DRG2: variants seen among roughly 807,000 people sequenced by gnomAD.
DRG2 encodes developmentally regulated GTP binding protein 2, also known as developmentally-regulated GTP-binding protein 2.
In DRG2, 36 loss-of-function variants were observed where a neutral mutation model predicts 53.4. The observed-to-expected ratio is 0.67, with a 90% confidence interval of 0.52 to 0.89. The LOEUF (loss-of-function observed/expected upper bound fraction) is 0.89. Among genes scored for constraint, DRG2 ranks in the 40% least tolerant of loss-of-function variants. The probability of loss-of-function intolerance (pLI) is 0.00; values close to 1 mark genes in which losing one functional copy is unlikely to be tolerated. For synonymous variants in DRG2, 167 were observed against 192.1 expected, an observed-to-expected ratio of 0.87 and a Z score of 1.08; for missense variants, 342 against 481.2, an observed-to-expected ratio of 0.71 and a Z score of 2.71.
At chr17:18,091,323 C>T (rs1191010995) in intron 1 of DRG2, among the ~76,000 whole-genome samples, 7 of 152,152 alleles carry the variant, frequency 4.6e-5, no homozygotes, top group East Asian at 1.9e-4. Flanking sequence ...CAGTGGCTCA[C>T]GCCTGTAATC....
At chr17:18,095,161 G>A (rs2045410732) in intron 2 of DRG2, among the ~76,000 whole-genome samples, 3 of 147,528 alleles carry the variant, frequency 2.0e-5, no homozygotes, top group South Asian at 2.2e-4. Flanking sequence ...ACAGGCATCC[G>A]CCACCACCCC....
intron 2 of DRG2, chr17:18,095,505 C>CTGCCTCAG (rs2045419605): frequency 1.3e-5 from 2 of 150,280 alleles, no homozygotes; most frequent in Admixed American, 6.6e-5. Flanking sequence ...AGCAATTCTC[C>CTGCCTCAG]TGCCTCAGTC....
intron 2 of DRG2, 120 bp downstream of exon 2, chr17:18,094,093 C>T: frequency 2.2e-6 from 3 of 1,346,434 alleles, no homozygotes; most frequent in East Asian, 2.5e-5. Flanking sequence ...GAAGACCTGG[C>T]CTCCCCCAGG....
intron 1 of DRG2, among the ~76,000 whole-genome samples, chr17:18,090,273 C>A (rs2045292380): frequency 7.3e-6 from 1 of 136,286 alleles, no homozygotes; most frequent in Non-Finnish European, 1.5e-5. Flanking sequence ...GATCATAGCT[C>A]ACTGTAACTT....
In DRG2 at chr17:18,098,945, T is replaced by C; in HGVS notation, c.316-72T>C. ...CTGAGCCCCGGGGCCATTCCAGATGTCCCAGATCCAGACAGGACCTTTCCA... is the reference window on the plus strand; with the variant it reads ...CTGAGCCCCGGGGCCATTCCAGATGCCCCAGATCCAGACAGGACCTTTCCA... On this transcript the variant is annotated intron_variant, in intron 3 of 12. Coordinates refer to ENST00000225729, the MANE Select transcript of DRG2 (RefSeq NM_001388.5). The surrounding 1 kb of genome is among the most constrained non-coding windows in gnomAD (Gnocchi z 4.1). 1.3e-6 allele frequency: 2 copies of C among 1,557,552 alleles called. No homozygotes were observed. The highest frequency in any genetic ancestry group is 1.8e-6 in the Non-Finnish European group (2 of 1,132,986).
Position 18,099,560 on chromosome 17 carries a change from G to A in DRG2, c.377-73G>A. The A allele has an allele frequency of 6.7e-7, 1 of 1,497,798 alleles. No individual in the cohort carries two copies. Among genetic ancestry groups the A allele is most frequent in the Non-Finnish European group, 9.1e-7 (1 of 1,098,058 alleles). The allele number at this position is 1,497,798 out of a possible 1,614,324, so 92.8% of individuals were successfully genotyped here. A position where few individuals can be genotyped will look rare whatever the true frequency, so the allele number is the denominator to read the frequency against. On this transcript the variant is annotated intron_variant, in intron 4 of 12. Coordinates refer to ENST00000225729, the MANE Select transcript of DRG2 (RefSeq NM_001388.5). The surrounding 1 kb of genome is among the most constrained non-coding windows in gnomAD (Gnocchi z 4.4). The stretch of plus-strand genomic sequence containing the variant: ...TGTGGTAGGTCTGTAAAGGACAGGA[G>A]TCCAGGGCGCCGTGGGCTGGGTAGC...
chr17:18,094,601 A>G (rs576568432), intron 2 of DRG2, among the ~76,000 whole-genome samples: 15 of 152,168 alleles, frequency 9.9e-5, no homozygotes, highest in Non-Finnish European at 2.1e-4. Flanking sequence ...CAAGGAGGGC[A>G]GAAGACAGAG....
At position 18,098,292 on chromosome 17, in the gene DRG2, C is replaced by T. The variant is rs1270855233; in HGVS notation, c.248C>T (p.Thr83Ile). 6.2e-7 allele frequency: 1 copy of T among 1,613,986 alleles called. No homozygotes were observed. Residue 83 changes from threonine to isoleucine, a missense_variant, in exon 3 of 13, where the codon ACC (threonine) becomes ATC (isoleucine). Transcript: ENST00000225729. This position sits in a 1 kb window ranked among gnomAD's most constrained non-coding sequence, Gnocchi z 4.1. ...TAGTCCACATTCTTGAGTCTGATGA[C>T]CTCCACGGCCAGCGAGGCAGCGTCC... ...VGKSTFLSLMTSTASEAASYE... is the reference protein window; with the variant it reads ...VGKSTFLSLMISTASEAASYE...
intron 9 of DRG2, among the ~76,000 whole-genome samples, chr17:18,102,952 C>T (rs2045566378): frequency 6.6e-6 from 1 of 152,210 alleles, no homozygotes; most frequent in Non-Finnish European, 1.5e-5. Context: ...TCCACAGCTT[C>T]ACAGTGAAGC....
Position 18,098,940 on chromosome 17 carries a change from A to T in DRG2, c.316-77A>T. The T allele has an allele frequency of 6.5e-7, 1 of 1,540,924 alleles. No homozygotes were observed. The highest frequency in any genetic ancestry group is 8.9e-7 in the Non-Finnish European group (1 of 1,119,608). The stretch of plus-strand genomic sequence containing the variant: ...AGCCCCTGAGCCCCGGGGCCATTCC[A>T]GATGTCCCAGATCCAGACAGGACCT... On this transcript the variant is annotated intron_variant, in intron 3 of 12. Coordinates refer to ENST00000225729, the MANE Select transcript of DRG2 (RefSeq NM_001388.5). The surrounding 1 kb of genome is among the most constrained non-coding windows in gnomAD (Gnocchi z 4.1).
chr17:18,099,705 C>T lies in DRG2; in HGVS notation c.449C>T (p.Thr150Ile). ...GTCATCATCATGATGCTGGATGCCA[C>T]CAAGGGAGAGGTGCAGAGGTCCGCA... ...ADVIIMMLDA[T>I]KGEVQRSLLE... Residue 150 changes from threonine to isoleucine, a missense_variant, in exon 5 of 13, where the codon ACC (threonine) becomes ATC (isoleucine). Physicochemically the swap from Thr to Ile is moderately conservative, Grantham distance 89. Transcript: ENST00000225729. The surrounding 1 kb of genome is among the most constrained non-coding windows in gnomAD (Gnocchi z 4.4). 1 of 1,605,812 alleles carries T rather than the reference C, an allele frequency of 6.2e-7. No homozygotes were observed. The highest frequency in any genetic ancestry group is 8.5e-7 in the Non-Finnish European group (1 of 1,177,032).
chr17:18,101,855 T>C (rs940332125), intron 8 of DRG2, 66 bp from the exon 9 acceptor site: 37 of 1,523,746 alleles, frequency 2.4e-5, no homozygotes, highest in African/African-American at 1.2e-4. Context: ...CACAGGGCGA[T>C]GGAGGGCCCT....
chr17:18,098,925 C>A lies in DRG2; in HGVS notation c.316-92C>A. ...ATCTGGGTTTCCCTCAGCCCCTGAG[C>A]CCCGGGGCCATTCCAGATGTCCCAG... On this transcript the variant is annotated intron_variant, in intron 3 of 12. Coordinates refer to ENST00000225729, the MANE Select transcript of DRG2 (RefSeq NM_001388.5). The surrounding 1 kb of genome is among the most constrained non-coding windows in gnomAD (Gnocchi z 4.1). 1 of 1,460,676 alleles carries A rather than the reference C, an allele frequency of 6.8e-7. No individual in the cohort carries two copies. The highest frequency in any genetic ancestry group is 9.5e-7 in the Non-Finnish European group (1 of 1,053,560). The allele number at this position is 1,460,676 out of a possible 1,614,324, so 90.5% of individuals were successfully genotyped here.
intron 1 of DRG2, 40 bp downstream of exon 1, chr17:18,088,127 T>A: frequency 6.5e-7 from 1 of 1,531,220 alleles, no homozygotes. Flanking sequence ...TCTGCCTGCC[T>A]CAGTTTTCCT....
At chr17:18,102,981 A>C (rs1264940307) in intron 9 of DRG2, among the ~76,000 whole-genome samples, 1 of 152,142 alleles carries the variant, frequency 6.6e-6, no homozygotes, top group Non-Finnish European at 1.5e-5. Flanking sequence ...CAGTACTGAG[A>C]GCTCAGGGAC....
At position 18,103,721 on chromosome 17, in the gene DRG2, G is replaced by A. The variant is rs986933278; in HGVS notation, c.807-80G>A. The stretch of plus-strand genomic sequence containing the variant: ...GCCACCTGGCCAGTGGAGGTTATCC[G>A]CTCCAATAGTGAGAAGTGGAGACCC... On this transcript the variant is annotated intron_variant, in intron 9 of 12. Transcript: ENST00000225729. This position sits in a 1 kb window ranked among gnomAD's most constrained non-coding sequence, Gnocchi z 4.4. 4.6e-5 allele frequency: 63 copies of A among 1,366,288 alleles called. No homozygotes were observed. Among genetic ancestry groups the A allele is most frequent in the East Asian group, 9.2e-5 (4 of 43,700 alleles). The allele number at this position is 1,366,288 out of a possible 1,614,324, so 84.6% of individuals were successfully genotyped here. A position where few individuals can be genotyped will look rare whatever the true frequency, so the allele number is the denominator to read the frequency against.
At position 18,100,196 on chromosome 17, in the gene DRG2, TC is replaced by T; in HGVS notation, c.468-164del. The T allele has an allele frequency of 1.4e-6, 1 of 712,050 alleles. No homozygotes were observed. Among genetic ancestry groups the T allele is most frequent in the Non-Finnish European group, 2.4e-6 (1 of 416,698 alleles). 44.1% of individuals were successfully genotyped at this position (712,050 alleles called of 1,614,324 possible). A position where few individuals can be genotyped will look rare whatever the true frequency, so the allele number is the denominator to read the frequency against. ...TGGGACTGTGGCAGAGTTTAGAAGT[TC>T]CCTGCAGCTCTAGGGCATTGGGAAG... On this transcript the variant is annotated intron_variant, in intron 5 of 12. Transcript: ENST00000225729. The surrounding 1 kb of genome is among the most constrained non-coding windows in gnomAD (Gnocchi z 4.1).
rs550569281 is a variant in DRG2 at position 18,088,218 on chromosome 17, G to A, written c.64+131G>A. The A allele has an allele frequency of 5.1e-6, 6 of 1,186,328 alleles. No homozygotes were observed. In the South Asian group the frequency reaches 9.3e-5, roughly 18 times the overall value. The allele number at this position is 1,186,328 out of a possible 1,614,324, so 73.5% of individuals were successfully genotyped here. ...GCGGAGAAGTTGCCAGACAAGTGCCGAGGCCGCCCTGCGCGCCCAAGGCAG... is the reference window on the plus strand; with the variant it reads ...GCGGAGAAGTTGCCAGACAAGTGCCAAGGCCGCCCTGCGCGCCCAAGGCAG... On this transcript the variant is annotated intron_variant, in intron 1 of 12. Transcript: ENST00000225729.
chr17:18,090,394 ATATATATATATATTTTTTTTTTT>A (rs1471058708), intron 1 of DRG2, among the ~76,000 whole-genome samples: 5 of 11,414 alleles, frequency 4.4e-4, no homozygotes, highest in African/African-American at 3.4e-3. Flanking sequence ...ATATATATAT[ATATATATATATATTTTTTTTTTT>A]TTTTTTTTTT....
Sources: allele counts gnomAD v4.1 joint callset (sites outside exome capture counted in the v4.1 genomes callset), GRCh38; gene constraint gnomAD v4.1.1; non-coding constraint Gnocchi (gnomAD v3.1); transcripts MANE v1.5; gene names NCBI Gene and HGNC (gene_info 2026-07-23, HGNC 2026-07-21).